Variants in CACNB2 observed in about 807,000 individuals in gnomAD.
CACNB2 encodes calcium voltage-gated channel auxiliary subunit beta 2.
CACNB2 carries 42 observed loss-of-function variants against 73.3 expected under a neutral mutation model. That is an observed-to-expected ratio of 0.57 (90% confidence interval 0.45 to 0.74). The LOEUF (loss-of-function observed/expected upper bound fraction) is 0.74, where lower values mean the gene tolerates loss of function less well. CACNB2 is among the 30% of genes least tolerant of loss of function. CACNB2 has a pLI of 0.00. For missense variants in CACNB2, 940 were observed against 853.0 expected, an observed-to-expected ratio of 1.10 and a Z score of -1.27; for synonymous variants, 348 against 310.3, an observed-to-expected ratio of 1.12 and a Z score of -1.28.
intron 2 of CACNB2, among the ~76,000 whole-genome samples, chr10:18,268,909 G>A (rs1240198724): frequency 6.6e-6 from 1 of 152,086 alleles, no homozygotes; most frequent in Non-Finnish European, 1.5e-5. Context: ...AAGTATTTTG[G>A]AATAAAGAAG....
intron 3 of CACNB2, among the ~76,000 whole-genome samples, chr10:18,480,409 C>T (rs1428607560): frequency 1.3e-5 from 2 of 151,976 alleles, no homozygotes; most frequent in East Asian, 1.9e-4. Context: ...TGGTAAGTAC[C>T]GTCATACACA....
intron 2 of CACNB2, among the ~76,000 whole-genome samples, chr10:18,301,640 C>T (rs2039514271): frequency 7.5e-6 from 1 of 132,902 alleles, no homozygotes; most frequent in South Asian, 2.6e-4. Flanking sequence ...CTAAGCCTTT[C>T]TCTCTTTTTT....
Position 18,267,016 on chromosome 10 carries a change from A to ATG in CACNB2, c.213+116055_213+116056dup, listed in dbSNP as rs927744620. Among the ~76,000 whole-genome samples the ATG allele has an allele frequency of 6.8e-4, 103 of 151,636 alleles. 1 individual carries two copies. Among genetic ancestry groups the ATG allele is most frequent in the African/African-American group, 2.0e-3 (84 of 41,378 alleles). ...ATATACTATGTGTGTGTGTGTATAT[A>ATG]TGTGTGTGTGTGTGTATGTATATAT... On this transcript the variant is annotated intron_variant, in intron 2 of 13. Coordinates refer to ENST00000324631, the MANE Select transcript of CACNB2 (RefSeq NM_201596.3).
chr10:18,236,168 C>T (rs1284839739), intron 2 of CACNB2, among the ~76,000 whole-genome samples: 3 of 152,080 alleles, frequency 2.0e-5, no homozygotes, highest in South Asian at 2.1e-4. Context: ...GACTAATAAA[C>T]AGGACTTCTG....
intron 3 of CACNB2, among the ~76,000 whole-genome samples, chr10:18,474,701 C>T (rs138234906): frequency 1.6e-3 from 249 of 152,186 alleles, no homozygotes; most frequent in African/African-American, 5.6e-3. Context: ...CATTGCAGCA[C>T]CGAAAGGAAA....
chr10:18,254,937 G>C (rs1316713698), intron 2 of CACNB2, among the ~76,000 whole-genome samples: 2 of 152,146 alleles, frequency 1.3e-5, no homozygotes, highest in Non-Finnish European at 2.9e-5. Flanking sequence ...TTACCTACTT[G>C]AATTCCCCAA....
At chr10:18,193,322 C>A (rs553596683) in intron 2 of CACNB2, among the ~76,000 whole-genome samples, 4 of 150,396 alleles carry the variant, frequency 2.7e-5, no homozygotes, top group African/African-American at 9.8e-5. Context: ...CAGCAATAAA[C>A]AAGCATTCCA....
intron 2 of CACNB2, among the ~76,000 whole-genome samples, chr10:18,222,436 T>TGC (rs1479733787): frequency 2.9e-5 from 2 of 67,870 alleles, no homozygotes; most frequent in African/African-American, 7.3e-5. Context: ...ACACAAATTC[T>TGC]GTGAGACCCT....
Position 18,536,275 on chromosome 10 carries a change from G to GTTTTTTTTTTTT in CACNB2, c.1302+79_1302+80insTTTTTTTTTTTT. The GTTTTTTTTTTTT allele has an allele frequency of 3.4e-3, 317 of 92,500 alleles. 77 individuals are homozygous for GTTTTTTTTTTTT. The highest frequency in any genetic ancestry group is 0.017 in the African/African-American group (176 of 10,154). The allele number at this position is 92,500 out of a possible 1,614,324, so 5.7% of individuals were successfully genotyped here. A position where few individuals can be genotyped will look rare whatever the true frequency, so the allele number is the denominator to read the frequency against. On this transcript the variant is annotated intron_variant, in intron 12 of 13. Transcript: ENST00000324631. Reference sequence around the variant, plus strand: ...TTTTTTTTTTTTTTTTTTTTTTTTGGGGGACAAGGTCTTGCTCTGTTGCCC... The same window carrying GTTTTTTTTTTTT: ...TTTTTTTTTTTTTTTTTTTTTTTTGGTTTTTTTTTTTTGGGACAAGGTCTTGCTCTGTTGCCC...
In CACNB2 at chr10:18,542,550, G is replaced by C. The variant is rs2054111500; in HGVS notation, c.*2826G>C. 1 of 151,880 alleles carries C rather than the reference G, an allele frequency of 6.6e-6. No homozygotes were observed. The allele number at this position is 151,880 out of a possible 1,614,324, so 9.4% of individuals were successfully genotyped here. The stretch of plus-strand genomic sequence containing the variant: ...AATCCCTTTCAAAAAGTAGTGGTGA[G>C]AGTTTCCATCTTTTTTATTTTGTAT... On this transcript the variant is annotated 3_prime_UTR_variant, in exon 14 of 14. Coordinates refer to ENST00000324631, the MANE Select transcript of CACNB2 (RefSeq NM_201596.3).
intron 2 of CACNB2, among the ~76,000 whole-genome samples, chr10:18,172,842 A>T (rs1471964594): frequency 6.6e-6 from 1 of 151,184 alleles, no homozygotes. Context: ...ACGCTCCTGA[A>T]CTCTTTAGTC....
chr10:18,260,402 TTA>T, intron 2 of CACNB2: 6 of 983,760 alleles, frequency 6.1e-6, no homozygotes, highest in Non-Finnish European at 7.2e-6. Context: ...CCTTCCAGAG[TTA>T]TGTTTATTTA....
intron 3 of CACNB2, among the ~76,000 whole-genome samples, chr10:18,456,963 T>G (rs1373817068): frequency 6.6e-6 from 1 of 152,174 alleles, no homozygotes; most frequent in Non-Finnish European, 1.5e-5. Context: ...CTGTTCCCTT[T>G]CTCCCCTTAA....
intron 2 of CACNB2, among the ~76,000 whole-genome samples, chr10:18,353,588 A>C (rs563629108): frequency 6.6e-6 from 1 of 152,202 alleles, no homozygotes; most frequent in African/African-American, 2.4e-5. Context: ...TATAAGGTAC[A>C]CATCAAAGTA....
At chr10:18,413,820 G>C (rs1370083134) in intron 3 of CACNB2, among the ~76,000 whole-genome samples, 3 of 152,192 alleles carry the variant, frequency 2.0e-5, no homozygotes, top group Non-Finnish European at 4.4e-5. Flanking sequence ...TGAATAAGCT[G>C]TTACGTATAA....
intron 2 of CACNB2, among the ~76,000 whole-genome samples, chr10:18,296,820 C>T (rs1317435746): frequency 6.6e-6 from 1 of 152,136 alleles, no homozygotes; most frequent in Non-Finnish European, 1.5e-5. Context: ...GCATTGCAGA[C>T]AATGTATTAT....
intron 1 of CACNB2, chr10:18,141,291 G>T: frequency 7.9e-7 from 1 of 1,264,692 alleles, no homozygotes; most frequent in African/African-American, 1.5e-5. Flanking sequence ...GCCACGCTCC[G>T]AGCCGGGGTG....
At chr10:18,532,689 AAAAAAAACAAAACAAAAAAAC>A (rs1410222805) in intron 10 of CACNB2, among the ~76,000 whole-genome samples, 7 of 58,620 alleles carry the variant, frequency 1.2e-4, no homozygotes, top group African/African-American at 4.9e-4. Flanking sequence ...AAAAAAAAAA[AAAAAAAACAAAACAAAAAAAC>A]AAACAAACAA....
chr10:18,517,254 C>T (rs950059372), intron 7 of CACNB2, among the ~76,000 whole-genome samples: 2 of 152,258 alleles, frequency 1.3e-5, no homozygotes, highest in South Asian at 2.1e-4. Flanking sequence ...ATTTGCTTAT[C>T]GCAGTGTCTA....
Sources: gnomAD v4.1 joint callset for allele counts (sites outside exome capture counted in the v4.1 genomes callset) on GRCh38, gnomAD v4.1.1 for gene constraint, MANE v1.5 for transcripts, NCBI Gene and HGNC (gene_info 2026-07-23, HGNC 2026-07-21) for gene names.